Variants in ACAP2 observed in about 807,000 individuals in gnomAD.
ACAP2 encodes the protein arf-GAP with coiled-coil, ANK repeat and PH domain-containing protein 2.
Under a neutral mutation model 115.8 loss-of-function variants are expected in ACAP2, and 39 were observed. That is an observed-to-expected ratio of 0.34 (90% CI 0.26 to 0.44). The LOEUF (loss-of-function observed/expected upper bound fraction) is 0.44, where lower values mean the gene tolerates loss of function less well. Among genes scored for constraint, ACAP2 ranks in the 20% least tolerant of loss-of-function variants. The pLI is 1.00. For missense variants in ACAP2, 662 were observed against 927.6 expected (o/e 0.71, Z 3.72); for synonymous variants, 289 against 315.8 (o/e 0.92, Z 0.90).
intron 1 of ACAP2, among the ~76,000 whole-genome samples, chr3:195,405,524 A>G (rs1300196665): frequency 6.6e-6 from 1 of 152,010 alleles, no homozygotes; most frequent in Non-Finnish European, 1.5e-5. Flanking sequence ...CATCTCTATT[A>G]AAAATACAAA....
chr3:195,297,277 A>G lies in ACAP2; in HGVS notation c.1400T>C (p.Met467Thr), dbSNP rs1161438810. 1.9e-6 allele frequency: 3 copies of G among 1,609,974 alleles called. No individual in the cohort carries two copies. In the African/African-American group the frequency reaches 4.0e-5, roughly 22 times the overall value. Reference protein sequence around the residue: ...DTWEPELLKLMCELGNDVINR... With the variant: ...DTWEPELLKLTCELGNDVINR... Reference sequence around the variant, plus strand: ...TATAACATCATTCCCCAACTCACACATAAGCTGTTTGGCAAAAAAAAATAG... The same window carrying G: ...TATAACATCATTCCCCAACTCACACGTAAGCTGTTTGGCAAAAAAAAATAG... The change falls in exon 16 of 23, where the codon ATG (methionine) becomes ACG (threonine). Residue 467 changes from methionine (M) to threonine (T), a missense_variant. Met to Thr is a moderately conservative substitution (Grantham distance 81). Around this residue, in one of 3 missense-constraint regions of ACAP2, gnomAD observed 401 missense variants for 604.4 expected, o/e 0.66. Transcript: ENST00000326793.
intron 6 of ACAP2, among the ~76,000 whole-genome samples, chr3:195,340,879 C>G (rs930045948): frequency 5.3e-5 from 8 of 152,184 alleles, no homozygotes; most frequent in African/African-American, 9.6e-5. Flanking sequence ...AAAGTACAGT[C>G]TATTCATCTT....
chr3:195,303,662 A>C (rs1728220588), intron 13 of ACAP2, among the ~76,000 whole-genome samples: 1 of 152,166 alleles, frequency 6.6e-6, no homozygotes, highest in African/African-American at 2.4e-5. Flanking sequence ...CCAGCTACTC[A>C]GGAGACTGAG....
chr3:195,369,563 CTCCA>C (rs1205631378), intron 4 of ACAP2, among the ~76,000 whole-genome samples: 1 of 152,182 alleles, frequency 6.6e-6, no homozygotes, highest in Non-Finnish European at 1.5e-5. Flanking sequence ...TGGCTTCCAG[CTCCA>C]TCCATGTTCC....
chr3:195,435,147 T>C (rs550134210), intron 1 of ACAP2, among the ~76,000 whole-genome samples: 1 of 55,114 alleles, frequency 1.8e-5, no homozygotes, highest in African/African-American at 7.8e-5. Flanking sequence ...TTTTTCTAGT[T>C]TGCTGGGGTG....
chr3:195,429,786 C>T (rs1057118017), intron 1 of ACAP2, among the ~76,000 whole-genome samples: 1 of 152,152 alleles, frequency 6.6e-6, no homozygotes, highest in Middle Eastern at 3.2e-3. Flanking sequence ...TTCAAGGTCA[C>T]AAAAATTTAA....
intron 8 of ACAP2, among the ~76,000 whole-genome samples, chr3:195,328,493 CTA>C (rs1729950410): frequency 6.6e-6 from 1 of 152,124 alleles, no homozygotes; most frequent in Non-Finnish European, 1.5e-5. Flanking sequence ...CTATGCTACT[CTA>C]TGATCTAATA....
chr3:195,295,602 G>C (rs1193295395), intron 17 of ACAP2, 106 bp downstream of exon 17: 7 of 1,223,308 alleles, frequency 5.7e-6, no homozygotes, highest in Non-Finnish European at 8.1e-6. Flanking sequence ...GAAGGGAACA[G>C]GTTTTTAACA....
intron 4 of ACAP2, among the ~76,000 whole-genome samples, chr3:195,345,938 G>C (rs1731162650): frequency 6.6e-6 from 1 of 152,128 alleles, no homozygotes; most frequent in African/African-American, 2.4e-5. Context: ...ACATCAAAAT[G>C]CTTATCGTGG....
chr3:195,414,363 C>G (rs1032835381), intron 1 of ACAP2, among the ~76,000 whole-genome samples: 1 of 152,204 alleles, frequency 6.6e-6, no homozygotes, highest in African/African-American at 2.4e-5. Flanking sequence ...CCTGCCTCAG[C>G]CTCCCAAAGT....
chr3:195,375,965 G>A (rs1194849221), intron 4 of ACAP2, among the ~76,000 whole-genome samples: 1 of 152,006 alleles, frequency 6.6e-6, no homozygotes, highest in Admixed American at 6.6e-5. Flanking sequence ...ATCCAAAAGT[G>A]TCATCAATGG....
intron 2 of ACAP2, among the ~76,000 whole-genome samples, chr3:195,390,794 T>C (rs1177846348): frequency 6.6e-6 from 1 of 152,234 alleles, no homozygotes; most frequent in Non-Finnish European, 1.5e-5. Flanking sequence ...AGAAAATTAT[T>C]TTCAGAAAAG....
chr3:195,431,210 C>T (rs890455893), intron 1 of ACAP2, among the ~76,000 whole-genome samples: 2 of 152,082 alleles, frequency 1.3e-5, no homozygotes, highest in Non-Finnish European at 2.9e-5. Flanking sequence ...TGGCATATAA[C>T]AGTATTTCAT....
At chr3:195,339,716 C>T (rs1292680843) in intron 6 of ACAP2, among the ~76,000 whole-genome samples, 1 of 151,810 alleles carries the variant, frequency 6.6e-6, no homozygotes. Context: ...GGGTGGTGGG[C>T]ATGAGGAGGC....
intron 8 of ACAP2, 65 bp downstream of exon 8, chr3:195,332,963 A>G: frequency 7.9e-7 from 1 of 1,267,588 alleles, no homozygotes; most frequent in Non-Finnish European, 1.1e-6. Flanking sequence ...CCAATATGCT[A>G]AATTTCTTTA....
Position 195,414,337 on chromosome 3 carries a change from G to C in ACAP2, c.54-22190C>G, listed in dbSNP as rs146250963. ...TTGTGCAGGATGGTCTCGAACTCCT[G>C]AGTTAATGTGATCCTCCTGCCTCAG... On this transcript the variant is annotated intron_variant, in intron 1 of 22. Transcript: ENST00000326793. Among the ~76,000 whole-genome samples the C allele has an allele frequency of 1.5e-3, 233 of 152,274 alleles. 2 individuals carry two copies. The highest frequency in any genetic ancestry group is 5.3e-3 in the African/African-American group (219 of 41,566).
At chr3:195,377,802 C>T (rs186345704) in intron 4 of ACAP2, among the ~76,000 whole-genome samples, 186 of 152,172 alleles carry the variant, frequency 1.2e-3, no homozygotes, top group Non-Finnish European at 2.1e-3. Flanking sequence ...ATTTCTGAGA[C>T]GCTGTCAAAA....
chr3:195,437,414 T>A (rs1003292465), intron 1 of ACAP2, among the ~76,000 whole-genome samples: 2 of 152,180 alleles, frequency 1.3e-5, no homozygotes, highest in African/African-American at 2.4e-5. Context: ...GACCACCATG[T>A]GAAAGTTCAC....
chr3:195,331,222 T>A (rs1730144414), intron 8 of ACAP2, among the ~76,000 whole-genome samples: 1 of 151,892 alleles, frequency 6.6e-6, no homozygotes, highest in African/African-American at 2.4e-5. Flanking sequence ...ACCCTACATG[T>A]CTTTCCCCCG....
Sources: allele counts gnomAD v4.1 joint callset (sites outside exome capture counted in the v4.1 genomes callset), GRCh38; gene constraint gnomAD v4.1.1; regional missense constraint gnomAD v4.1.1; transcripts MANE v1.5; gene names NCBI Gene and HGNC (gene_info 2026-07-23, HGNC 2026-07-21).